LHPP: variants seen among roughly 807,000 people sequenced by gnomAD.
The protein encoded by LHPP is phospholysine phosphohistidine inorganic pyrophosphate phosphatase.
Under a neutral mutation model 30.3 loss-of-function variants are expected in LHPP, and 24 were observed. That is an observed-to-expected ratio of 0.79 (90% CI 0.57 to 1.11). The LOEUF (loss-of-function observed/expected upper bound fraction) is 1.11. Among genes scored for constraint, LHPP ranks in the 50% most tolerant of loss-of-function variants. The probability of loss-of-function intolerance (pLI) is 0.00; values close to 1 mark genes in which losing one functional copy is unlikely to be tolerated. For missense variants in LHPP, 356 were observed against 367.2 expected (o/e 0.97, Z 0.25); for synonymous variants, 150 against 157.1 (o/e 0.95, Z 0.34).
intron 6 of LHPP, among the ~76,000 whole-genome samples, chr10:124,524,483 G>A (rs1039391757): frequency 9.2e-5 from 14 of 151,872 alleles, no homozygotes; most frequent in Admixed American, 1.3e-4. Context: ...CACCACGTTG[G>A]CCAAACTGGT....
At chr10:124,506,144 G>C (rs1433386740) in intron 5 of LHPP, among the ~76,000 whole-genome samples, 1 of 152,094 alleles carries the variant, frequency 6.6e-6, no homozygotes, top group Non-Finnish European at 1.5e-5. Context: ...AGCTGCTCAG[G>C]AAGCTGACGC....
intron 1 of LHPP, among the ~76,000 whole-genome samples, chr10:124,469,633 T>C (rs1023138371): frequency 6.6e-6 from 1 of 152,100 alleles, no homozygotes; most frequent in Non-Finnish European, 1.5e-5. Flanking sequence ...TTCGTTCATT[T>C]ATTCCTTTTT....
At chr10:124,579,184 A>G (rs1196878236) in intron 6 of LHPP, among the ~76,000 whole-genome samples, 1 of 152,190 alleles carries the variant, frequency 6.6e-6, no homozygotes, top group South Asian at 2.1e-4. Flanking sequence ...TTTAAGGAAC[A>G]TCTCCCGGGC....
chr10:124,605,113 T>A (rs376926257), intron 6 of LHPP: 1 of 152,330 alleles, frequency 6.6e-6, no homozygotes, highest in African/African-American at 2.4e-5. Context: ...TTTCCTTCGA[T>A]TGGTACAAAG....
intron 5 of LHPP, among the ~76,000 whole-genome samples, chr10:124,516,726 G>T (rs556762539): frequency 6.6e-6 from 1 of 152,066 alleles, no homozygotes; most frequent in Non-Finnish European, 1.5e-5. Flanking sequence ...TGTTTTTAAG[G>T]CAATACCTTC....
rs1407626567 is a variant in LHPP at position 124,507,381 on chromosome 10, GGGATAGGGAGTATTTCAGGTGGGGA to G, written c.624+9256_624+9280del. ...GAGGGTAGACAGGATTTCAGGTGGGGGGATAGGGAGTATTTCAGGTGGGGAGGGTAGGGAGGATTTCAGGTGTGGA... is the reference window on the plus strand; with the variant it reads ...GAGGGTAGACAGGATTTCAGGTGGGGGGGTAGGGAGGATTTCAGGTGTGGA... On this transcript the variant is annotated intron_variant, in intron 5 of 6. Coordinates refer to ENST00000368842, the MANE Select transcript of LHPP (RefSeq NM_022126.4). Among the ~76,000 whole-genome samples the G allele has an allele frequency of 2.2e-4, 8 of 36,358 alleles. 2 individuals are homozygous for G. Among genetic ancestry groups the G allele is most frequent in the Non-Finnish European group, 3.5e-4 (7 of 20,104 alleles). 23.9% of individuals were successfully genotyped at this position (36,358 alleles called of 152,430 possible). A position where few individuals can be genotyped will look rare whatever the true frequency, so the allele number is the denominator to read the frequency against.
At chr10:124,482,999 C>T (rs1953191484) in intron 1 of LHPP, among the ~76,000 whole-genome samples, 1 of 152,144 alleles carries the variant, frequency 6.6e-6, no homozygotes, top group African/African-American at 2.4e-5. Flanking sequence ...GTAGTAGGCG[C>T]TCAGTGACAG....
At chr10:124,500,077 A>C (rs995214602) in intron 5 of LHPP, among the ~76,000 whole-genome samples, 1 of 152,014 alleles carries the variant, frequency 6.6e-6, no homozygotes, top group African/African-American at 2.4e-5. Context: ...ACATACAGAA[A>C]AGTAGAGAGA....
At chr10:124,497,722 A>G (rs370398159) in intron 4 of LHPP, among the ~76,000 whole-genome samples, 2 of 152,198 alleles carry the variant, frequency 1.3e-5, no homozygotes, top group South Asian at 4.1e-4. Flanking sequence ...ACGGAATTGC[A>G]GGCGAGTGAG....
At position 124,517,392 on chromosome 10, in the gene LHPP, A is replaced by T. The variant is rs1448107663; in HGVS notation, c.716+121A>T. ...CCAAATCAAAGAGCAGTATGTGGGC[A>T]TTCACTATCTTGTATGTAATGGACC... On this transcript the variant is annotated intron_variant, in intron 6 of 6. Coordinates refer to ENST00000368842, the MANE Select transcript of LHPP (RefSeq NM_022126.4). This position sits in a 1 kb window ranked among gnomAD's most constrained non-coding sequence, Gnocchi z 4.1. 1 of 631,804 alleles carries T rather than the reference A, an allele frequency of 1.6e-6. No homozygotes were observed. The highest frequency in any genetic ancestry group is 2.6e-6 in the Non-Finnish European group (1 of 381,602). 39.1% of individuals were successfully genotyped at this position (631,804 alleles called of 1,614,324 possible).
At chr10:124,542,278 G>A (rs927744364) in intron 6 of LHPP, among the ~76,000 whole-genome samples, 4 of 152,188 alleles carry the variant, frequency 2.6e-5, no homozygotes, top group South Asian at 2.1e-4. Flanking sequence ...GCCACCAAGC[G>A]CCTTCACTTA....
chr10:124,485,157 G>A (rs1262490216), intron 2 of LHPP, among the ~76,000 whole-genome samples: 1 of 152,032 alleles, frequency 6.6e-6, no homozygotes, highest in Non-Finnish European at 1.5e-5. Context: ...TAGCCCTGGT[G>A]CCAGTTAAGG....
chr10:124,474,093 T>C (rs568384904), intron 1 of LHPP, among the ~76,000 whole-genome samples: 47 of 151,822 alleles, frequency 3.1e-4, no homozygotes, highest in African/African-American at 1.1e-3. Flanking sequence ...ATTTTGTTGT[T>C]GAAGGGTCAA....
Position 124,599,200 on chromosome 10 carries a change from C to T in LHPP, c.717-14064C>T, listed in dbSNP as rs114443117. 8.5e-3 allele frequency among the ~76,000 whole-genome samples: 1,291 copies of T among 152,170 alleles called. 16 individuals are homozygous for T. Among genetic ancestry groups the T allele is most frequent in the African/African-American group, 0.03 (1,252 of 41,512 alleles). On this transcript the variant is annotated intron_variant, in intron 6 of 6. Transcript: ENST00000368842. ...CTCATCCCACCCACCCATCCATCCA[C>T]CCATCCGTCCCCAGCCATCCATCCT... is the stretch of plus-strand genomic sequence containing the variant.
At position 124,490,534 on chromosome 10, in the gene LHPP, A is replaced by C. The variant is rs1041520624; in HGVS notation, c.467+1959A>C. On this transcript the variant is annotated intron_variant, in intron 3 of 6. Transcript: ENST00000368842. Reference sequence around the variant, plus strand: ...TGGCTACCGTGACTCCCTCCTTAAAAAGGAGTTCATAAATAGCAATCTGGT... The same window carrying C: ...TGGCTACCGTGACTCCCTCCTTAAACAGGAGTTCATAAATAGCAATCTGGT... 3 of 349,532 alleles carry C rather than the reference A, an allele frequency of 8.6e-6. No homozygotes were observed. The Admixed American group carries it at 9.6e-5, about 11-fold the overall frequency. The allele number at this position is 349,532 out of a possible 1,614,324, so 21.7% of individuals were successfully genotyped here.
At chr10:124,520,186 C>T (rs1030447495) in intron 6 of LHPP, among the ~76,000 whole-genome samples, 8 of 151,852 alleles carry the variant, frequency 5.3e-5, no homozygotes, top group Non-Finnish European at 1.0e-4. Flanking sequence ...AGGTTCATTA[C>T]ATAGGTGAAC....
intron 6 of LHPP, among the ~76,000 whole-genome samples, chr10:124,607,166 C>A (rs918635512): frequency 1.3e-5 from 2 of 152,218 alleles, no homozygotes; most frequent in African/African-American, 4.8e-5. Context: ...GCCGAGGACA[C>A]ACCTTTGCTG....
chr10:124,496,542 TTAA>T lies in LHPP; in HGVS notation c.468-417_468-415del, dbSNP rs1204280318. Among the ~76,000 whole-genome samples the T allele has an allele frequency of 6.6e-6, 1 of 152,154 alleles. No individual in the cohort carries two copies. Among genetic ancestry groups the T allele is most frequent in the Admixed American group, 6.5e-5 (1 of 15,280 alleles). ...CTCTTCTTCAGCCAGCAATTAGGGG[TTAA>T]TTATTAGCAATTAGGGGTTCGCCAC... On this transcript the variant is annotated intron_variant, in intron 3 of 6. Transcript: ENST00000368842. The surrounding 1 kb of genome is among the most constrained non-coding windows in gnomAD (Gnocchi z 4.3).
chr10:124,580,542 C>T (rs764821848), intron 6 of LHPP, among the ~76,000 whole-genome samples: 1 of 152,116 alleles, frequency 6.6e-6, no homozygotes, highest in Non-Finnish European at 1.5e-5. Context: ...ACTTATAATG[C>T]CACCTCTGTC....
Sources: allele counts gnomAD v4.1 joint callset (sites outside exome capture counted in the v4.1 genomes callset), GRCh38; gene constraint gnomAD v4.1.1; non-coding constraint Gnocchi (gnomAD v3.1); transcripts MANE v1.5; gene names NCBI Gene and HGNC (gene_info 2026-07-23, HGNC 2026-07-21).